The following STXBP4 variants were observed in gnomAD, a reference collection of about 807,000 sequenced individuals.
STXBP4 encodes syntaxin binding protein 4, also known as syntaxin-binding protein 4.
Under a neutral mutation model 76.1 loss-of-function variants are expected in STXBP4, and 55 were observed. That is an observed-to-expected ratio of 0.72 (90% CI 0.58 to 0.91). The LOEUF (loss-of-function observed/expected upper bound fraction) is 0.91. STXBP4 is among the 40% of genes least tolerant of loss of function. The pLI, the probability that STXBP4 is intolerant of heterozygous loss-of-function variation, is 0.00. For missense variants in STXBP4, 618 were observed against 636.9 expected, an observed-to-expected ratio of 0.97 and a Z score of 0.32; for synonymous variants, 201 against 220.2, an observed-to-expected ratio of 0.91 and a Z score of 0.77.
In STXBP4 at chr17:55,092,969, TTTTGTTTTTTGTTTTTTG is replaced by T. The variant is rs550248264; in HGVS notation, c.1489+11808_1489+11825del. 2.8e-3 allele frequency among the ~76,000 whole-genome samples: 215 copies of T among 75,504 alleles called. 6 individuals are homozygous for T. In the South Asian group the frequency reaches 0.087, roughly 31 times the overall value. 49.5% of individuals were successfully genotyped at this position (75,504 alleles called of 152,430 possible). On this transcript the variant is annotated intron_variant, in intron 16 of 17. Transcript: ENST00000376352. The stretch of plus-strand genomic sequence containing the variant: ...AATTTATTAAACAAAAAAACATTTT[TTTTGTTTTTTGTTTTTTG>T]TTTGTTTTTTGTTTTTTGTTTTTTG...
At chr17:55,058,443 A>G (rs1388830798) in intron 12 of STXBP4, among the ~76,000 whole-genome samples, 7 of 152,202 alleles carry the variant, frequency 4.6e-5, no homozygotes, top group Admixed American at 2.0e-4. Flanking sequence ...AGCACCATTT[A>G]TCATGATGAA....
chr17:55,004,615 C>T (rs969132434), intron 7 of STXBP4, among the ~76,000 whole-genome samples: 1 of 151,300 alleles, frequency 6.6e-6, no homozygotes. Context: ...GTGGGAGGAT[C>T]GCTTGAGCCC....
chr17:55,201,622 T>A, the STXBP4 span, among the ~76,000 whole-genome samples: 2 of 152,222 alleles, frequency 1.3e-5, no homozygotes, highest in African/African-American at 4.8e-5. Context: ...CTAGGAAATT[T>A]GAATACATTC....
chr17:55,210,799 A>G, the STXBP4 span, among the ~76,000 whole-genome samples: 1 of 152,208 alleles, frequency 6.6e-6, no homozygotes, highest in South Asian at 2.1e-4. Flanking sequence ...GCTCTTTTTC[A>G]TATGATCTTA....
chr17:55,197,469 C>A, the STXBP4 span, among the ~76,000 whole-genome samples: 1 of 152,144 alleles, frequency 6.6e-6, no homozygotes, highest in Non-Finnish European at 1.5e-5. Flanking sequence ...AGTGGCCAGG[C>A]GCTGTGGCTC....
chr17:55,073,216 C>A, intron 13 of STXBP4, 140 bp downstream of exon 13: 2 of 777,064 alleles, frequency 2.6e-6, no homozygotes, highest in Non-Finnish European at 4.1e-6. Context: ...ATGCTGTGTC[C>A]TGATGGGGAT....
chr17:55,129,634 A>T (rs984028789), intron 16 of STXBP4, among the ~76,000 whole-genome samples: 2 of 152,158 alleles, frequency 1.3e-5, no homozygotes, highest in Non-Finnish European at 2.9e-5. Flanking sequence ...TCCTAAAATT[A>T]GTTAAGTTCT....
At chr17:55,062,773 T>A (rs923475828) in intron 12 of STXBP4, among the ~76,000 whole-genome samples, 1 of 152,200 alleles carries the variant, frequency 6.6e-6, no homozygotes, top group African/African-American at 2.4e-5. Context: ...GTTTCCTGAC[T>A]TTTTAATGAT....
intron 8 of STXBP4, among the ~76,000 whole-genome samples, chr17:55,010,159 T>C (rs914606450): frequency 6.6e-6 from 1 of 152,048 alleles, no homozygotes; most frequent in Non-Finnish European, 1.5e-5. Context: ...TAATTATGAA[T>C]TTATTAAGTA....
At chr17:55,208,514 C>T in the STXBP4 span, among the ~76,000 whole-genome samples, 2 of 123,906 alleles carry the variant, frequency 1.6e-5, no homozygotes, top group Non-Finnish European at 3.4e-5. Context: ...AGGAGTTGCA[C>T]AAAGGTCACC....
At chr17:55,116,575 C>T (rs190608855) in intron 16 of STXBP4, among the ~76,000 whole-genome samples, 142 of 151,862 alleles carry the variant, frequency 9.4e-4, no homozygotes, top group African/African-American at 3.3e-3. Context: ...AGTGGTTACC[C>T]TTAGCACACA....
At position 55,049,250 on chromosome 17, in the gene STXBP4, T is replaced by C. The variant is rs1163589320; in HGVS notation, c.1011+2096T>C. ...CATGATATTCCTGAAGACCTTCAGATAGGATGAGTTTTATCCAACTAAAAA... is the reference window on the plus strand; with the variant it reads ...CATGATATTCCTGAAGACCTTCAGACAGGATGAGTTTTATCCAACTAAAAA... On this transcript the variant is annotated intron_variant, in intron 12 of 17. Coordinates refer to ENST00000376352, the MANE Select transcript of STXBP4 (RefSeq NM_178509.6). 2.0e-5 allele frequency among the ~76,000 whole-genome samples: 3 copies of C among 151,926 alleles called. No homozygotes were observed. In the East Asian group the frequency reaches 5.8e-4, roughly 29 times the overall value.
intron 12 of STXBP4, among the ~76,000 whole-genome samples, chr17:55,049,078 G>A (rs1343036306): frequency 6.6e-6 from 1 of 151,888 alleles, no homozygotes; most frequent in East Asian, 1.9e-4. Flanking sequence ...AACATGCAAA[G>A]TAAGGCAATA....
intron 12 of STXBP4, among the ~76,000 whole-genome samples, chr17:55,050,563 C>T (rs2787507): frequency 0.79 from 120,510 of 152,154 alleles, 48,388 homozygotes; most frequent in African/African-American, 0.92. Context: ...ACCAAAGGAA[C>T]TGGAGAATGA....
At chr17:55,204,837 CACACACAA>C in the STXBP4 span, among the ~76,000 whole-genome samples, 771 of 34,068 alleles carry the variant, frequency 0.023, 1 homozygote, top group Non-Finnish European at 0.039. Context: ...CACACACACA[CACACACAA>C]ACACACATAC....
chr17:55,199,921 G>A, the STXBP4 span, among the ~76,000 whole-genome samples: 1 of 152,102 alleles, frequency 6.6e-6, no homozygotes, highest in Non-Finnish European at 1.5e-5. Flanking sequence ...CCACCCCAGG[G>A]CCTTGGCGCA....
chr17:55,211,793 T>C, the STXBP4 span, among the ~76,000 whole-genome samples: 1 of 131,854 alleles, frequency 7.6e-6, no homozygotes. Flanking sequence ...TTTCCTGTTT[T>C]TTGTTGTTTT....
intron 16 of STXBP4, among the ~76,000 whole-genome samples, chr17:55,104,620 A>G (rs553250119): frequency 6.6e-6 from 1 of 152,122 alleles, no homozygotes; most frequent in Non-Finnish European, 1.5e-5. Flanking sequence ...AGGTTTTGGT[A>G]TCAGGATGAT....
chr17:55,029,078 T>C (rs533713231), intron 8 of STXBP4, among the ~76,000 whole-genome samples: 1 of 151,960 alleles, frequency 6.6e-6, no homozygotes, highest in African/African-American at 2.4e-5. Context: ...GGAGTAGTTA[T>C]AAAAGCCTGT....
Sources: allele counts gnomAD v4.1 joint callset (sites outside exome capture counted in the v4.1 genomes callset), GRCh38; gene constraint gnomAD v4.1.1; transcripts MANE v1.5; gene names NCBI Gene and HGNC (gene_info 2026-07-23, HGNC 2026-07-21).